Variants in RUNDC3B observed in about 807,000 individuals in gnomAD.
RUNDC3B encodes RUN domain containing 3B.
Under a neutral mutation model 58.4 loss-of-function variants are expected in RUNDC3B, and 33 were observed. The observed-to-expected ratio is 0.56, with a 90% CI of 0.43 to 0.75. The LOEUF (loss-of-function observed/expected upper bound fraction) is 0.75. Ranked by LOEUF, RUNDC3B falls within the 30% of genes least tolerant of loss-of-function variation. The pLI, the probability that RUNDC3B is intolerant of heterozygous loss-of-function variation, is 0.00. For synonymous variants in RUNDC3B, 193 were observed against 195.2 expected, an observed-to-expected ratio of 0.99 and a Z score of 0.10; for missense variants, 501 against 535.7, an observed-to-expected ratio of 0.94 and a Z score of 0.64.
At chr7:87,671,706 C>T (rs1825839965) in intron 2 of RUNDC3B, among the ~76,000 whole-genome samples, 1 of 152,112 alleles carries the variant, frequency 6.6e-6, no homozygotes, top group Non-Finnish European at 1.5e-5. Context: ...AGATTGAGGA[C>T]CCACTTAAAA....
chr7:87,803,385 A>G (rs1441200288), intron 8 of RUNDC3B, among the ~76,000 whole-genome samples: 1 of 152,210 alleles, frequency 6.6e-6, no homozygotes, highest in East Asian at 1.9e-4. Context: ...ATTCAGGTCA[A>G]AAAATTGAGG....
intron 2 of RUNDC3B, among the ~76,000 whole-genome samples, chr7:87,676,026 G>A (rs1826317220): frequency 6.6e-6 from 1 of 151,714 alleles, no homozygotes; most frequent in Admixed American, 6.6e-5. Flanking sequence ...AGGACTTTGA[G>A]ATCTACCTGG....
chr7:87,641,277 A>G (rs1219247788), intron 1 of RUNDC3B, among the ~76,000 whole-genome samples: 1 of 152,228 alleles, frequency 6.6e-6, no homozygotes, highest in Non-Finnish European at 1.5e-5. Context: ...TTAGAAAGAT[A>G]TCGCCAACAG....
intron 10 of RUNDC3B, among the ~76,000 whole-genome samples, chr7:87,818,532 C>G (rs1460619439): frequency 1.3e-5 from 2 of 152,246 alleles, no homozygotes; most frequent in African/African-American, 4.8e-5. Context: ...TGGAGTGATG[C>G]AGGTTTGAAT....
At chr7:87,750,091 A>G (rs1405626644) in intron 6 of RUNDC3B, among the ~76,000 whole-genome samples, 1 of 149,262 alleles carries the variant, frequency 6.7e-6, no homozygotes, top group South Asian at 2.1e-4. Flanking sequence ...ATGTGTTCTC[A>G]TTGTTCAATT....
chr7:87,756,156 A>G (rs1833359150), intron 6 of RUNDC3B, among the ~76,000 whole-genome samples: 1 of 152,072 alleles, frequency 6.6e-6, no homozygotes, highest in African/African-American at 2.4e-5. Context: ...TGGTATTTGT[A>G]AGTTTTACCA....
chr7:87,702,161 A>C lies in RUNDC3B; in HGVS notation c.372+1607A>C, dbSNP rs995114523. On this transcript the variant is annotated intron_variant, in intron 3 of 10. Transcript: ENST00000394654. ...CTGTCTCAAAAAAAAAAAAAAAAAAAAAAAAAAAAAACAGAGATACTTTTC... is the reference window on the plus strand; with the variant it reads ...CTGTCTCAAAAAAAAAAAAAAAAAACAAAAAAAAAAACAGAGATACTTTTC... Among the ~76,000 whole-genome samples, 9 of 150,082 alleles carry C rather than the reference A, an allele frequency of 6.0e-5. No homozygotes were observed. The East Asian group carries it at 7.8e-4, about 13-fold the overall frequency.
At chr7:87,772,707 G>GA (rs1170474156) in intron 7 of RUNDC3B, among the ~76,000 whole-genome samples, 3 of 151,886 alleles carry the variant, frequency 2.0e-5, no homozygotes, top group Non-Finnish European at 4.4e-5. Context: ...GAGCACATTA[G>GA]AAAAAATAAA....
chr7:87,752,620 A>C (rs1041935144), intron 6 of RUNDC3B, among the ~76,000 whole-genome samples: 1 of 152,166 alleles, frequency 6.6e-6, no homozygotes, highest in Non-Finnish European at 1.5e-5. Context: ...GTATGTGTTG[A>C]GGAATTTATC....
intron 4 of RUNDC3B, among the ~76,000 whole-genome samples, chr7:87,714,765 G>T (rs1258486322): frequency 1.3e-5 from 2 of 151,260 alleles, no homozygotes. Context: ...ATATGGACAG[G>T]CACCCCCCCG....
intron 6 of RUNDC3B, among the ~76,000 whole-genome samples, chr7:87,759,863 G>A (rs1192133637): frequency 6.6e-6 from 1 of 151,192 alleles, no homozygotes; most frequent in African/African-American, 2.4e-5. Context: ...CATATTAAAT[G>A]CCTGTATCAA....
At chr7:87,722,504 A>G (rs1408374486) in intron 4 of RUNDC3B, among the ~76,000 whole-genome samples, 1 of 152,130 alleles carries the variant, frequency 6.6e-6, no homozygotes, top group Non-Finnish European at 1.5e-5. Context: ...GTTTATCTGA[A>G]CTTGGTTTCA....
intron 1 of RUNDC3B, among the ~76,000 whole-genome samples, chr7:87,643,100 T>C (rs1822614337): frequency 6.6e-6 from 1 of 152,134 alleles, no homozygotes; most frequent in Non-Finnish European, 1.5e-5. Context: ...CATTTCCTTA[T>C]AGAGATGGGC....
intron 3 of RUNDC3B, among the ~76,000 whole-genome samples, chr7:87,701,893 C>T (rs1309559021): frequency 6.6e-6 from 1 of 151,996 alleles, no homozygotes; most frequent in Non-Finnish European, 1.5e-5. Flanking sequence ...CCTGTAATCC[C>T]AGCACTTTGG....
At chr7:87,733,142 G>A (rs879676065) in intron 4 of RUNDC3B, among the ~76,000 whole-genome samples, 8 of 152,234 alleles carry the variant, frequency 5.3e-5, no homozygotes, top group Middle Eastern at 3.4e-3. Context: ...GCCCCCCCAT[G>A]CGTCTGTTTA....
In RUNDC3B at chr7:87,628,591, GTGTGTGTGT is replaced by G; in HGVS notation, c.-232_-224del. ...GGAGGTGGTGCGTGCGTGCGTGTGT[GTGTGTGTGT>G]GTGTGTGTGTGTGTGTGTGTGTGTG... is the stretch of plus-strand genomic sequence containing the variant. On this transcript the variant is annotated 5_prime_UTR_variant, in exon 1 of 11. Transcript: ENST00000394654. 1.4e-5 allele frequency: 1 copy of G among 70,994 alleles called. No homozygotes were observed. Among genetic ancestry groups the G allele is most frequent in the Non-Finnish European group, 2.8e-5 (1 of 35,894 alleles). 4.4% of individuals were successfully genotyped at this position (70,994 alleles called of 1,614,324 possible).
At chr7:87,670,276 TAA>T (rs1431328068) in intron 2 of RUNDC3B, among the ~76,000 whole-genome samples, 2 of 152,260 alleles carry the variant, frequency 1.3e-5, no homozygotes, top group Non-Finnish European at 2.9e-5. Context: ...TCAATACTTG[TAA>T]TTGCATTGTG....
chr7:87,739,933 C>A, intron 5 of RUNDC3B, 53 bp downstream of exon 5: 1 of 820,868 alleles, frequency 1.2e-6, no homozygotes, highest in South Asian at 2.1e-5. Flanking sequence ...TTAATAGTTT[C>A]TACTTATGAT....
At chr7:87,825,994 T>G (rs1208566325) in intron 10 of RUNDC3B, among the ~76,000 whole-genome samples, 1 of 152,192 alleles carries the variant, frequency 6.6e-6, no homozygotes, top group Non-Finnish European at 1.5e-5. Flanking sequence ...ACTTGCCTTG[T>G]CTCAGATGAC....
Sources: gnomAD v4.1 joint callset for allele counts (sites outside exome capture counted in the v4.1 genomes callset) on GRCh38, gnomAD v4.1.1 for gene constraint, MANE v1.5 for transcripts, NCBI Gene and HGNC (gene_info 2026-07-23, HGNC 2026-07-21) for gene names.